The following PRKD1 variants were observed in gnomAD, a reference collection of about 807,000 sequenced individuals.
PRKD1 encodes serine/threonine-protein kinase D1.
A neutral mutation model predicts 95.9 loss-of-function variants in PRKD1; 63 were observed. The observed-to-expected ratio is 0.66, with a 90% CI of 0.54 to 0.81. The LOEUF (loss-of-function observed/expected upper bound fraction) is 0.81, where lower values mean the gene tolerates loss of function less well. Among genes scored for constraint, PRKD1 ranks in the 30% least tolerant of loss-of-function variants. The pLI is 0.00. For synonymous variants in PRKD1, 425 were observed against 423.1 expected (o/e 1.00, Z -0.05); for missense variants, 1,048 against 1,165.3 (o/e 0.90, Z 1.47).
chr14:29,903,138 T>A (rs1894376864), intron 1 of PRKD1, among the ~76,000 whole-genome samples: 1 of 152,178 alleles, frequency 6.6e-6, no homozygotes. Context: ...GAACAACTAT[T>A]CTTGGGATTA....
At chr14:29,656,679 A>C (rs1240280000) in intron 4 of PRKD1, among the ~76,000 whole-genome samples, 1 of 152,230 alleles carries the variant, frequency 6.6e-6, no homozygotes, top group African/African-American at 2.4e-5. Context: ...CTACAGAGAT[A>C]TCTGAGTTGC....
At chr14:29,747,546 C>A (rs1422465676) in intron 1 of PRKD1, among the ~76,000 whole-genome samples, 1 of 151,858 alleles carries the variant, frequency 6.6e-6, no homozygotes, top group East Asian at 1.9e-4. Flanking sequence ...TAGAAATAGC[C>A]CAAATGTCCA....
In PRKD1 at chr14:29,905,815, C is replaced by T. The variant is rs1160789467; in HGVS notation, c.264+21434G>A. On this transcript the variant is annotated intron_variant, in intron 1 of 17. Transcript: ENST00000331968. Reference sequence around the variant, plus strand: ...TTTGGGAAACGACAGATTAATCATTCAAGAACTGAATGTTATGTTAACGGG... The same window carrying T: ...TTTGGGAAACGACAGATTAATCATTTAAGAACTGAATGTTATGTTAACGGG... 4.6e-5 allele frequency among the ~76,000 whole-genome samples: 7 copies of T among 152,240 alleles called. No individual in the cohort carries two copies. In the South Asian group the frequency reaches 8.3e-4, roughly 18 times the overall value.
intron 1 of PRKD1, among the ~76,000 whole-genome samples, chr14:29,829,959 G>A (rs960525584): frequency 2.6e-5 from 4 of 152,152 alleles, no homozygotes; most frequent in Non-Finnish European, 5.9e-5. Flanking sequence ...TAATGAAGTA[G>A]CAATGTTTTG....
At chr14:29,679,680 G>C (rs550514799) in intron 2 of PRKD1, among the ~76,000 whole-genome samples, 1 of 151,466 alleles carries the variant, frequency 6.6e-6, no homozygotes, top group African/African-American at 2.4e-5. Flanking sequence ...GAAAAGGGAG[G>C]GTATAGAGAA....
chr14:29,797,298 A>G (rs1388749476), intron 1 of PRKD1, among the ~76,000 whole-genome samples: 2 of 152,168 alleles, frequency 1.3e-5, no homozygotes, highest in Admixed American at 1.3e-4. Context: ...ATTGTTTGTA[A>G]GCGATGGATT....
chr14:29,605,635 C>T (rs1893677622), intron 13 of PRKD1, among the ~76,000 whole-genome samples: 1 of 152,096 alleles, frequency 6.6e-6, no homozygotes, highest in Non-Finnish European at 1.5e-5. Context: ...ACCTATTTGT[C>T]TTATTTACAA....
chr14:29,671,090 T>C (rs45579643), intron 2 of PRKD1, among the ~76,000 whole-genome samples: 83 of 152,018 alleles, frequency 5.5e-4, no homozygotes, highest in African/African-American at 2.0e-3. Flanking sequence ...AAAAAATGTA[T>C]TTAGATAGGT....
At chr14:29,916,675 C>A (rs1389877856) in intron 1 of PRKD1, among the ~76,000 whole-genome samples, 3 of 152,186 alleles carry the variant, frequency 2.0e-5, no homozygotes, top group African/African-American at 7.2e-5. Context: ...ATTAGAGACA[C>A]AGACCAAGCC....
chr14:29,837,260 GAACA>G (rs983360601), intron 1 of PRKD1, among the ~76,000 whole-genome samples: 4 of 151,982 alleles, frequency 2.6e-5, no homozygotes, highest in Admixed American at 6.5e-5. Flanking sequence ...AAACAAAAAT[GAACA>G]AACAAACTCT....
chr14:29,634,659 GT>G, intron 7 of PRKD1, 118 bp from the exon 8 acceptor site: 1 of 1,347,674 alleles, frequency 7.4e-7, no homozygotes, highest in Non-Finnish European at 1.0e-6. Flanking sequence ...CACATCTCAT[GT>G]TTAGTAAAAC....
At chr14:29,584,929 C>T (rs1229562989) in intron 16 of PRKD1, among the ~76,000 whole-genome samples, 2 of 152,132 alleles carry the variant, frequency 1.3e-5, no homozygotes. Context: ...AGTACATTTT[C>T]CCCCGACTTC....
intron 1 of PRKD1, among the ~76,000 whole-genome samples, chr14:29,902,688 TC>T (rs1894358061): frequency 6.6e-6 from 1 of 152,224 alleles, no homozygotes; most frequent in Admixed American, 6.5e-5. Flanking sequence ...CAAAATGAAA[TC>T]TGTACCCATA....
At chr14:29,826,790 C>CACATATATATAT (rs1566622887) in intron 1 of PRKD1, among the ~76,000 whole-genome samples, 1 of 25,086 alleles carries the variant, frequency 4.0e-5, no homozygotes, top group African/African-American at 1.7e-4. Flanking sequence ...TACATATATA[C>CACATATATATAT]ACATATATAT....
At chr14:29,806,519 C>G (rs1426063469) in intron 1 of PRKD1, among the ~76,000 whole-genome samples, 1 of 152,020 alleles carries the variant, frequency 6.6e-6, no homozygotes, top group Non-Finnish European at 1.5e-5. Context: ...ACAGCCAGCG[C>G]ATCATGCAGA....
chr14:29,677,645 G>A (rs1883308970), intron 2 of PRKD1, among the ~76,000 whole-genome samples: 2 of 152,108 alleles, frequency 1.3e-5, no homozygotes, highest in African/African-American at 4.8e-5. Flanking sequence ...GCACAATCTC[G>A]GCTCACTGCA....
At chr14:29,644,699 C>T (rs1393646482) in intron 4 of PRKD1, among the ~76,000 whole-genome samples, 1 of 151,992 alleles carries the variant, frequency 6.6e-6, no homozygotes, top group Non-Finnish European at 1.5e-5. Flanking sequence ...TTATCTAGTT[C>T]AGCCGAAGAC....
At chr14:29,914,440 T>C (rs1675536278) in intron 1 of PRKD1, among the ~76,000 whole-genome samples, 1 of 152,202 alleles carries the variant, frequency 6.6e-6, no homozygotes, top group Non-Finnish European at 1.5e-5. Flanking sequence ...TTAGCAAATA[T>C]ACAACCCAAA....
intron 1 of PRKD1, among the ~76,000 whole-genome samples, chr14:29,806,213 A>T (rs1183440512): frequency 2.0e-5 from 3 of 152,254 alleles, no homozygotes; most frequent in Non-Finnish European, 4.4e-5. Context: ...TGCAATTTAC[A>T]GATTAACTGG....
Sources: allele counts gnomAD v4.1 joint callset (sites outside exome capture counted in the v4.1 genomes callset), GRCh38; gene constraint gnomAD v4.1.1; transcripts MANE v1.5; gene names NCBI Gene and HGNC (gene_info 2026-07-23, HGNC 2026-07-21).